The following ATL3 variants were observed in gnomAD, a reference collection of about 807,000 sequenced individuals.
ATL3 encodes atlastin GTPase 3, also known as atlastin-3.
A neutral mutation model predicts 69.5 loss-of-function variants in ATL3; 49 were observed. That is an observed-to-expected ratio of 0.71 (90% CI 0.56 to 0.89). The LOEUF (loss-of-function observed/expected upper bound fraction) is 0.89. Ranked by LOEUF, ATL3 falls within the 40% of genes least tolerant of loss-of-function variation. ATL3 has a pLI of 0.00. For synonymous variants in ATL3, 214 were observed against 224.1 expected (o/e 0.95, Z 0.40); for missense variants, 606 against 645.7 (o/e 0.94, Z 0.67).
chr11:63,666,375 T>G (rs554359055), intron 1 of ATL3, among the ~76,000 whole-genome samples: 1 of 152,196 alleles, frequency 6.6e-6, no homozygotes, highest in South Asian at 2.1e-4. Context: ...CACAGATCTC[T>G]AACTTGCATT....
intron 3 of ATL3, among the ~76,000 whole-genome samples, chr11:63,654,211 A>C (rs1940170053): frequency 1.3e-5 from 2 of 149,158 alleles, no homozygotes; most frequent in South Asian, 4.2e-4. Context: ...CAGTGGCGCG[A>C]TCTCGGCTCA....
intron 8 of ATL3, among the ~76,000 whole-genome samples, chr11:63,642,575 G>A (rs1002928544): frequency 3.3e-5 from 5 of 152,216 alleles, no homozygotes; most frequent in African/African-American, 9.6e-5. Flanking sequence ...CTTGGATGTA[G>A]ATCTACGCCT....
At chr11:63,670,430 T>C (rs938276869) in intron 1 of ATL3, 4 of 152,250 alleles carry the variant, frequency 2.6e-5, no homozygotes, top group Admixed American at 6.5e-5. Flanking sequence ...CTGAGACTCA[T>C]TTAAAAATTC....
chr11:63,634,399 C>T (rs1196683829), intron 10 of ATL3, among the ~76,000 whole-genome samples: 6 of 151,292 alleles, frequency 4.0e-5, no homozygotes, highest in Admixed American at 2.6e-4. Context: ...CCCAGCTACT[C>T]GGGAGGCTGA....
chr11:63,658,116 A>G (rs1172257551), intron 3 of ATL3, among the ~76,000 whole-genome samples: 2 of 152,172 alleles, frequency 1.3e-5, no homozygotes, highest in African/African-American at 2.4e-5. Flanking sequence ...CTGGCCTCCC[A>G]AAGTGTTGGT....
rs1045392653 is a variant in ATL3 at position 63,644,219 on chromosome 11, A to C, written c.661T>G (p.Tyr221Asp). The C allele has an allele frequency of 3.0e-5, 48 of 1,611,734 alleles. No homozygotes were observed. The highest frequency in any genetic ancestry group is 3.7e-5 in the Non-Finnish European group (44 of 1,179,024). ...ATTCCTCCTTGGAGTCCATAGCTAT[A>C]TTCATAAGGGAAACTCCAATCTCTA... ...LVRDWSFPYE[Y>D]SYGLQGGMAF... Residue 221 changes from tyrosine (Y) to aspartate (D), a missense_variant, in exon 7 of 13, where the codon TAT (tyrosine) becomes GAT (aspartate). Coordinates refer to ENST00000398868, the MANE Select transcript of ATL3 (RefSeq NM_015459.5).
Position 63,631,089 on chromosome 11 carries a change from C to T in ATL3, c.1490G>A (p.Arg497His), listed in dbSNP as rs1326950681. ...WGYIRYSGQY[R>H]ELGGAIDFGA... ...AAAATCAATAGCTCCGCCCAGCTCA[C>T]GATATTGACCAGAATACCTGATGTA... Residue 497 changes from arginine to histidine, a missense_variant, in exon 12 of 13, where the codon CGT (arginine) becomes CAT (histidine). Transcript: ENST00000398868. The T allele has an allele frequency of 6.2e-7, 1 of 1,614,066 alleles. No individual in the cohort carries two copies.
intron 1 of ATL3, among the ~76,000 whole-genome samples, chr11:63,663,099 T>C (rs1940470028): frequency 1.3e-5 from 2 of 151,444 alleles, no homozygotes; most frequent in Non-Finnish European, 1.5e-5. Flanking sequence ...TAGTATCAGA[T>C]AGCAACAGAA....
chr11:63,645,198 G>T (rs1054858417), intron 6 of ATL3, among the ~76,000 whole-genome samples: 2 of 152,060 alleles, frequency 1.3e-5, no homozygotes, highest in Non-Finnish European at 2.9e-5. Context: ...CCTGAGCTCA[G>T]GAGTTTGAGA....
rs964696332 is a variant in ATL3, at chr11:63,640,441, C to T, written c.850+2916G>A. Among the ~76,000 whole-genome samples the T allele has an allele frequency of 2.6e-5, 4 of 151,878 alleles. No homozygotes were observed. In the South Asian group the frequency reaches 6.2e-4, roughly 24 times the overall value. ...TAGCTGGGACCACAGGGGTGTGCCA[C>T]CATGTCCAGCTAGTATTTTTTTTTT... On this transcript the variant is annotated intron_variant, in intron 8 of 12. Transcript: ENST00000398868.
At chr11:63,655,875 T>C (rs927219004) in intron 3 of ATL3, among the ~76,000 whole-genome samples, 7 of 152,184 alleles carry the variant, frequency 4.6e-5, no homozygotes, top group African/African-American at 1.2e-4. Context: ...CCAAATTTGA[T>C]AAACATTATA....
intron 6 of ATL3, among the ~76,000 whole-genome samples, chr11:63,646,153 G>T (rs1939872439): frequency 6.6e-6 from 1 of 152,078 alleles, no homozygotes; most frequent in Admixed American, 6.6e-5. Flanking sequence ...TCTCCCCAAA[G>T]TGCTGGGATT....
At chr11:63,655,995 C>T (rs546979993) in intron 3 of ATL3, among the ~76,000 whole-genome samples, 5 of 152,178 alleles carry the variant, frequency 3.3e-5, no homozygotes, top group Admixed American at 1.3e-4. Context: ...GAGGCCAAGG[C>T]GGGCAGATCA....
chr11:63,633,647 G>C (rs1236249968), intron 10 of ATL3, among the ~76,000 whole-genome samples: 1 of 149,380 alleles, frequency 6.7e-6, no homozygotes, highest in Non-Finnish European at 1.5e-5. Flanking sequence ...GCCTCCCAAA[G>C]TGCTGGGATT....
rs1013125713 is a variant in ATL3, at chr11:63,664,950, G to A, written c.47-5698C>T. On this transcript the variant is annotated intron_variant, in intron 1 of 12. Coordinates refer to ENST00000398868, the MANE Select transcript of ATL3 (RefSeq NM_015459.5). ...AATGAATGACATGTACCATAATGTG[G>A]TTGAAGGCTACAACCCAAAGGATCC... 2.0e-5 allele frequency among the ~76,000 whole-genome samples: 3 copies of A among 152,306 alleles called. No homozygotes were observed. The East Asian group carries it at 5.8e-4, about 29-fold the overall frequency.
chr11:63,667,864 C>T (rs943242894), intron 1 of ATL3, among the ~76,000 whole-genome samples: 2 of 152,000 alleles, frequency 1.3e-5, no homozygotes, highest in Non-Finnish European at 2.9e-5. Context: ...GGGGGGCTAT[C>T]CTACGCACTA....
chr11:63,670,163 C>T (rs2134552083), intron 1 of ATL3, among the ~76,000 whole-genome samples: 1 of 152,148 alleles, frequency 6.6e-6, no homozygotes, highest in East Asian at 1.9e-4. Flanking sequence ...TCCTTCTCAG[C>T]CAAGTGTTTA....
Position 63,629,378 on chromosome 11 carries a change from G to A in ATL3, c.1567C>T (p.Gln523Ter), listed in dbSNP as rs369771305. 1 of 1,614,130 alleles carries A rather than the reference G, an allele frequency of 6.2e-7. No homozygotes were observed. The highest frequency in any genetic ancestry group is 1.1e-5 in the South Asian group (1 of 91,080). The change falls in exon 13 of 13, where the codon CAG (glutamine) becomes TAG (stop). Residue 523 changes from glutamine to a stop codon, truncating the protein, a stop_gained. Transcript: ENST00000398868. LOFTEE classifies it high-confidence loss of function. ...ACAACTGCATCCCTCACAGTGGCCTGAGTGGAATTACCGATATGAGAAGAA... is the reference window on the plus strand; with the variant it reads ...ACAACTGCATCCCTCACAGTGGCCTAAGTGGAATTACCGATATGAGAAGAA... Reference protein sequence around the residue: ...QASSHIGNSTQATVRDAVVGR... With the variant: ...QASSHIGNST
At chr11:63,644,403 TTA>T (rs1555053859) in intron 6 of ATL3, 142 bp from the exon 7 acceptor site, 35 of 561,654 alleles carry the variant, frequency 6.2e-5, no homozygotes, top group Non-Finnish European at 6.8e-5. Context: ...TTTTTTTTTT[TTA>T]AAGAGATTGG....
Sources: allele counts gnomAD v4.1 joint callset (sites outside exome capture counted in the v4.1 genomes callset), GRCh38; gene constraint gnomAD v4.1.1; transcripts MANE v1.5; gene names NCBI Gene and HGNC (gene_info 2026-07-23, HGNC 2026-07-21).